The following CYP46A1 variants were observed in gnomAD, a reference collection of about 807,000 sequenced individuals.
The protein encoded by CYP46A1 is cytochrome P450 family 46 subfamily A member 1, also known as cholesterol 24-hydroxylase.
A neutral mutation model predicts 63.3 loss-of-function variants in CYP46A1; 20 were observed. The observed-to-expected ratio is 0.32, with a 90% CI of 0.22 to 0.46. The LOEUF (loss-of-function observed/expected upper bound fraction) is 0.46. CYP46A1 is among the 20% of genes least tolerant of loss of function. The probability of loss-of-function intolerance (pLI) is 1.00; values close to 1 mark genes in which losing one functional copy is unlikely to be tolerated. For missense variants in CYP46A1, 445 were observed against 670.8 expected (o/e 0.66, Z 3.72); for synonymous variants, 268 against 273.6 (o/e 0.98, Z 0.20).
chr14:99,717,937 A>T, intron 9 of CYP46A1, 117 bp from the exon 10 acceptor site: 1 of 765,730 alleles, frequency 1.3e-6, no homozygotes, highest in African/African-American at 1.8e-5. Flanking sequence ...TTAGAGCCAG[A>T]TGCCTGGGGG....
chr14:99,696,107 T>C (rs2140117037), intron 3 of CYP46A1, among the ~76,000 whole-genome samples: 1 of 152,346 alleles, frequency 6.6e-6, no homozygotes, highest in South Asian at 2.1e-4. Context: ...GCTTAGGTTG[T>C]TTACATTTAC....
At chr14:99,706,028 T>A (rs1462899728) in intron 5 of CYP46A1, 1 of 152,256 alleles carries the variant, frequency 6.6e-6, no homozygotes, top group Non-Finnish European at 1.5e-5. Flanking sequence ...GGCAGTCTCC[T>A]CCTTCCAGCT....
chr14:99,706,505 G>A (rs2056677288), intron 5 of CYP46A1, 142 bp from the exon 6 acceptor site: 14 of 1,049,258 alleles, frequency 1.3e-5, no homozygotes, highest in Non-Finnish European at 1.8e-5. Context: ...TGCAATCTGG[G>A]TCTCAAGGGG....
intron 3 of CYP46A1, among the ~76,000 whole-genome samples, chr14:99,692,885 C>T (rs1450708484): frequency 1.3e-5 from 2 of 152,058 alleles, no homozygotes; most frequent in Non-Finnish European, 1.5e-5. Context: ...GTGGCATTGT[C>T]TGTCCTGTCT....
In CYP46A1 at chr14:99,691,803, T is replaced by C. The variant is rs1238429306; in HGVS notation, c.224T>C (p.Val75Ala). The change falls in exon 3 of 15, where the codon GTG becomes GCG. Residue 75 changes from valine to alanine, a missense_variant. Around this residue, in one of 4 missense-constraint regions of CYP46A1, gnomAD observed 252 missense variants for 383.3 expected, o/e 0.66. Coordinates refer to ENST00000261835, the MANE Select transcript of CYP46A1 (RefSeq NM_006668.2). ...AGGGCTAAGAAGTATGGACCTGTTG[T>C]GCGGGTCAACGTCTTCCACAAAACC... is the stretch of plus-strand genomic sequence containing the variant. ...LDWAKKYGPVVRVNVFHKTSV... is the reference protein window; with the variant it reads ...LDWAKKYGPVARVNVFHKTSV... 3.1e-6 allele frequency: 5 copies of C among 1,614,186 alleles called. No individual in the cohort carries two copies. Among genetic ancestry groups the C allele is most frequent in the Non-Finnish European group, 4.2e-6 (5 of 1,180,026 alleles).
chr14:99,702,299 T>C (rs2056638594), intron 5 of CYP46A1, among the ~76,000 whole-genome samples: 1 of 152,200 alleles, frequency 6.6e-6, no homozygotes, highest in Admixed American at 6.5e-5. Context: ...TCCTTTTTAT[T>C]GTCAAATAAT....
rs10600179 is a variant in CYP46A1 at position 99,722,644 on chromosome 14, C to CGTGTGTGTGTGTGTGTGTGTGTGTGT, written c.1176+588_1176+613dup. Among the ~76,000 whole-genome samples, 10 of 142,254 alleles carry CGTGTGTGTGTGTGTGTGTGTGTGTGT rather than the reference C, an allele frequency of 7.0e-5. No homozygotes were observed. The highest frequency in any genetic ancestry group is 4.8e-4 in the South Asian group (2 of 4,136). 93.3% of individuals were successfully genotyped at this position (142,254 alleles called of 152,430 possible). On this transcript the variant is annotated intron_variant, in intron 12 of 14. Coordinates refer to ENST00000261835, the MANE Select transcript of CYP46A1 (RefSeq NM_006668.2). The surrounding 1 kb of genome is among the most constrained non-coding windows in gnomAD (Gnocchi z 4.6). ...ATCTGAATTGTGTGTTTGCCATTCC[C>CGTGTGTGTGTGTGTGTGTGTGTGTGT]GTGTGTGTGTGTGTGTGTGTGTGTG...
At chr14:99,712,226 C>G (rs1277145142) in intron 7 of CYP46A1, 1 of 152,156 alleles carries the variant, frequency 6.6e-6, no homozygotes, top group East Asian at 1.9e-4. Flanking sequence ...AGAACTGGAA[C>G]AGGATAAGGA....
chr14:99,697,412 G>T (rs2056595971), intron 3 of CYP46A1, among the ~76,000 whole-genome samples: 1 of 152,150 alleles, frequency 6.6e-6, no homozygotes, highest in Admixed American at 6.5e-5. Context: ...GGTCTGCCTA[G>T]CCTCTGATCT....
chr14:99,708,964 C>T (rs961004768), intron 7 of CYP46A1: 1 of 152,204 alleles, frequency 6.6e-6, no homozygotes, highest in African/African-American at 2.4e-5. Context: ...ACACTGATTA[C>T]AGCTGAAGAA....
intron 12 of CYP46A1, among the ~76,000 whole-genome samples, chr14:99,724,521 C>T (rs977265582): frequency 1.3e-5 from 2 of 152,224 alleles, no homozygotes; most frequent in Admixed American, 6.5e-5. Context: ...CTGGGGGTGC[C>T]ACCCTGTGGG....
At chr14:99,686,100 A>G (rs1329898459) in intron 1 of CYP46A1, among the ~76,000 whole-genome samples, 1 of 152,160 alleles carries the variant, frequency 6.6e-6, no homozygotes, top group Non-Finnish European at 1.5e-5. Flanking sequence ...GTAGCAGCAC[A>G]TTGTACATGC....
At position 99,684,398 on chromosome 14, in the gene CYP46A1, GCCTGC is replaced by G; in HGVS notation, c.-12_-8del. ...CGGCGCCCGGCCCGACCCTGGCCTG[GCCTGC>G]CCTGCCCCGGAGCCATGAGCCCCGG... On this transcript the variant is annotated 5_prime_UTR_variant, in exon 1 of 15. Coordinates refer to ENST00000261835, the MANE Select transcript of CYP46A1 (RefSeq NM_006668.2). 7.0e-7 allele frequency: 1 copy of G among 1,427,292 alleles called. No individual in the cohort carries two copies. The highest frequency in any genetic ancestry group is 1.4e-5 in the South Asian group (1 of 73,146). The allele number at this position is 1,427,292 out of a possible 1,614,324, so 88.4% of individuals were successfully genotyped here.
chr14:99,723,420 T>TGAGTA (rs1239614593), intron 12 of CYP46A1, among the ~76,000 whole-genome samples: 1 of 152,224 alleles, frequency 6.6e-6, no homozygotes, highest in African/African-American at 2.4e-5. Flanking sequence ...GCGATTCTCG[T>TGAGTA]GCCTCGGCCT....
In CYP46A1 at chr14:99,699,991, G is replaced by A. The variant is rs373356969; in HGVS notation, c.357-24G>A. 117 of 1,346,162 alleles carry A rather than the reference G, an allele frequency of 8.7e-5. No homozygotes were observed. The African/African-American group carries it at 1.3e-3, about 15-fold the overall frequency. 83.4% of individuals were successfully genotyped at this position (1,346,162 alleles called of 1,614,324 possible). On this transcript the variant is annotated intron_variant, in intron 4 of 14. Coordinates refer to ENST00000261835, the MANE Select transcript of CYP46A1 (RefSeq NM_006668.2). ...CTCCCCACCCCCCACCCTCTTTCCC[G>A]CATCACGTGTGTGTCTCCTACAGAC...
chr14:99,707,431 T>G, intron 6 of CYP46A1, 137 bp from the exon 7 acceptor site: 1 of 643,570 alleles, frequency 1.6e-6, no homozygotes, highest in South Asian at 2.1e-5. Flanking sequence ...CATGGGTCAT[T>G]GTAAGCAGCT....
At position 99,687,871 on chromosome 14, in the gene CYP46A1, A is replaced by G. The variant is rs1304358153; in HGVS notation, c.120-3210A>G. 2.6e-5 allele frequency among the ~76,000 whole-genome samples: 4 copies of G among 152,106 alleles called. No individual in the cohort carries two copies. The East Asian group carries it at 7.7e-4, about 29-fold the overall frequency. ...TCTGCCTGCCGGGGCGCTGAGCAAC[A>G]AGTCCCCATGTCTGGCCATGGTGTT... On this transcript the variant is annotated intron_variant, in intron 1 of 14. Transcript: ENST00000261835.
intron 10 of CYP46A1, among the ~76,000 whole-genome samples, chr14:99,719,548 C>T (rs1042322840): frequency 2.0e-5 from 3 of 151,630 alleles, no homozygotes; most frequent in Non-Finnish European, 2.9e-5. Flanking sequence ...TTTCATCTTC[C>T]CAAACTGAAA....
chr14:99,696,061 T>C (rs2056585144), intron 3 of CYP46A1, among the ~76,000 whole-genome samples: 1 of 152,242 alleles, frequency 6.6e-6, no homozygotes, highest in Non-Finnish European at 1.5e-5. Context: ...TCTTGCTGTT[T>C]TATACAGTCT....
Sources: allele counts gnomAD v4.1 joint callset (sites outside exome capture counted in the v4.1 genomes callset), GRCh38; gene constraint gnomAD v4.1.1; regional missense constraint gnomAD v4.1.1; non-coding constraint Gnocchi (gnomAD v3.1); transcripts MANE v1.5; gene names NCBI Gene and HGNC (gene_info 2026-07-23, HGNC 2026-07-21).